The following CACNB2 variants were observed in gnomAD, a reference collection of about 807,000 sequenced individuals.
CACNB2 encodes voltage-dependent L-type calcium channel subunit beta-2.
Under a neutral mutation model 73.3 loss-of-function variants are expected in CACNB2, and 42 were observed. That is an observed-to-expected ratio of 0.57 (90% CI 0.45 to 0.74). The LOEUF (loss-of-function observed/expected upper bound fraction) is 0.74, where lower values mean the gene tolerates loss of function less well. Among genes scored for constraint, CACNB2 ranks in the 30% least tolerant of loss-of-function variants. The pLI, the probability that CACNB2 is intolerant of heterozygous loss-of-function variation, is 0.00. For synonymous variants in CACNB2, 348 were observed against 310.3 expected (o/e 1.12, Z -1.28); for missense variants, 940 against 853.0 (o/e 1.10, Z -1.27).
intron 2 of CACNB2, among the ~76,000 whole-genome samples, chr10:18,195,150 T>G (rs915972680): frequency 4.6e-5 from 7 of 152,220 alleles, no homozygotes; most frequent in Admixed American, 4.6e-4. Context: ...GTAATGGGCT[T>G]TGCTCTTTTT....
intron 6 of CACNB2, among the ~76,000 whole-genome samples, chr10:18,507,034 A>G (rs181757403): frequency 4.1e-4 from 62 of 152,278 alleles, no homozygotes; most frequent in African/African-American, 1.3e-3. Context: ...CCTGAGTTCA[A>G]GCGATCCACC....
At chr10:18,381,944 A>T (rs1163661792) in intron 2 of CACNB2, among the ~76,000 whole-genome samples, 1 of 152,018 alleles carries the variant, frequency 6.6e-6, no homozygotes, top group African/African-American at 2.4e-5. Flanking sequence ...CATCATATGG[A>T]CATGTTCTTT....
chr10:18,405,450 T>C (rs944000242), intron 3 of CACNB2, among the ~76,000 whole-genome samples: 2 of 152,224 alleles, frequency 1.3e-5, no homozygotes, highest in African/African-American at 4.8e-5. Flanking sequence ...GTTACGAACA[T>C]TCCTGTATAT....
At chr10:18,158,747 A>T (rs2032239122) in intron 2 of CACNB2, among the ~76,000 whole-genome samples, 2 of 152,232 alleles carry the variant, frequency 1.3e-5, no homozygotes, top group African/African-American at 4.8e-5. Context: ...CTAAACAGAT[A>T]AATTAACTTA....
intron 2 of CACNB2, among the ~76,000 whole-genome samples, chr10:18,253,506 C>T (rs1412162893): frequency 1.3e-5 from 2 of 152,112 alleles, no homozygotes; most frequent in Non-Finnish European, 2.9e-5. Context: ...ATCCTGTTAT[C>T]ATCCTAGATT....
chr10:18,425,098 T>C (rs1391553547), intron 3 of CACNB2, among the ~76,000 whole-genome samples: 1 of 152,230 alleles, frequency 6.6e-6, no homozygotes, highest in Non-Finnish European at 1.5e-5. Flanking sequence ...TTACTTTCAT[T>C]GAATACTTTT....
At chr10:18,473,489 G>C (rs2048292689) in intron 3 of CACNB2, among the ~76,000 whole-genome samples, 1 of 152,126 alleles carries the variant, frequency 6.6e-6, no homozygotes, top group African/African-American at 2.4e-5. Context: ...TTTAAATTCA[G>C]AATCACCAGT....
At chr10:18,448,210 A>G (rs759349534) in intron 3 of CACNB2, among the ~76,000 whole-genome samples, 1 of 151,588 alleles carries the variant, frequency 6.6e-6, no homozygotes, top group South Asian at 2.1e-4. Flanking sequence ...TGGGCCGGGC[A>G]TGGTGGCTCA....
intron 2 of CACNB2, among the ~76,000 whole-genome samples, chr10:18,231,155 T>C (rs187630584): frequency 6.6e-6 from 1 of 152,250 alleles, no homozygotes; most frequent in East Asian, 1.9e-4. Flanking sequence ...GCATGGCTTG[T>C]GGTATCATGT....
chr10:18,334,363 A>C (rs1365016721), intron 2 of CACNB2, among the ~76,000 whole-genome samples: 2 of 152,160 alleles, frequency 1.3e-5, no homozygotes, highest in Non-Finnish European at 2.9e-5. Context: ...CTGAGATCCC[A>C]GGAGCTGCTT....
intron 2 of CACNB2, among the ~76,000 whole-genome samples, chr10:18,196,171 T>C (rs1423083574): frequency 6.6e-6 from 1 of 152,176 alleles, no homozygotes; most frequent in African/African-American, 2.4e-5. Flanking sequence ...ATTAAGTAAA[T>C]TGCTTATAAT....
At chr10:18,179,507 C>T (rs887510730) in intron 2 of CACNB2, among the ~76,000 whole-genome samples, 2 of 152,118 alleles carry the variant, frequency 1.3e-5, no homozygotes, top group African/African-American at 4.8e-5. Context: ...TTTTTTGGAA[C>T]CAAATGATTC....
At chr10:18,501,067 T>C in intron 5 of CACNB2, 119 bp downstream of exon 5, 2 of 992,334 alleles carry the variant, frequency 2.0e-6, no homozygotes, top group Non-Finnish European at 3.1e-6. Flanking sequence ...GTAATATGGT[T>C]TATTGATAGC....
intron 4 of CACNB2, among the ~76,000 whole-genome samples, chr10:18,499,197 C>A (rs1410959019): frequency 1.3e-5 from 2 of 152,026 alleles, no homozygotes; most frequent in Non-Finnish European, 2.9e-5. Flanking sequence ...TTTTCTTGGA[C>A]CTGAAGGAAT....
chr10:18,205,948 G>A (rs894005703), intron 2 of CACNB2, among the ~76,000 whole-genome samples: 2 of 152,018 alleles, frequency 1.3e-5, no homozygotes, highest in Non-Finnish European at 2.9e-5. Flanking sequence ...GAGAATCTAC[G>A]GTTTTCAGTC....
chr10:18,524,206 G>C (rs375459271), intron 9 of CACNB2, among the ~76,000 whole-genome samples: 4 of 149,744 alleles, frequency 2.7e-5, no homozygotes, highest in Non-Finnish European at 4.5e-5. Flanking sequence ...ATAAATTCAC[G>C]GTTTTTTTTT....
In CACNB2 at chr10:18,536,243, C is replaced by CTT. The variant is rs904187820; in HGVS notation, c.1302+76_1302+77dup. On this transcript the variant is annotated intron_variant, in intron 12 of 13. Coordinates refer to ENST00000324631, the MANE Select transcript of CACNB2 (RefSeq NM_201596.3). ...CATAATCCAGTTACAGAGATCAGAC[C>CTT]TTTTTTTTTTTTTTTTTTTTTTTTT... 7.1e-3 allele frequency: 1,997 copies of CTT among 281,164 alleles called. 18 individuals carry two copies. Among genetic ancestry groups the CTT allele is most frequent in the South Asian group, 0.011 (297 of 26,804 alleles). The allele number at this position is 281,164 out of a possible 1,614,324, so 17.4% of individuals were successfully genotyped here.
chr10:18,305,646 C>T (rs2039699118), intron 2 of CACNB2, among the ~76,000 whole-genome samples: 1 of 152,116 alleles, frequency 6.6e-6, no homozygotes, highest in South Asian at 2.1e-4. Flanking sequence ...GTTTTCAAGA[C>T]AAACTGGAAG....
intron 2 of CACNB2, among the ~76,000 whole-genome samples, chr10:18,163,890 C>A (rs964793338): frequency 6.6e-6 from 1 of 151,976 alleles, no homozygotes; most frequent in Non-Finnish European, 1.5e-5. Flanking sequence ...TACTGTGGCA[C>A]GTGGAGAAGC....
Sources: allele counts gnomAD v4.1 joint callset (sites outside exome capture counted in the v4.1 genomes callset), GRCh38; gene constraint gnomAD v4.1.1; transcripts MANE v1.5; gene names NCBI Gene and HGNC (gene_info 2026-07-23, HGNC 2026-07-21).